The following SIK3 variants were observed in gnomAD, a reference collection of about 807,000 sequenced individuals.
The protein encoded by SIK3 is SIK family kinase 3, also known as serine/threonine-protein kinase SIK3.
In SIK3, 28 loss-of-function variants were observed where a neutral mutation model predicts 144.2. That is an observed-to-expected ratio of 0.19 (90% CI 0.14 to 0.27). The LOEUF (loss-of-function observed/expected upper bound fraction) is 0.27, where lower values mean the gene tolerates loss of function less well. SIK3 is among the 10% of genes least tolerant of loss of function. The pLI is 1.00. For synonymous variants in SIK3, 686 were observed against 676.3 expected (o/e 1.01, Z -0.22); for missense variants, 1,319 against 1,776.0 (o/e 0.74, Z 4.62).
chr11:117,073,910 T>C (rs1335429616), intron 1 of SIK3, among the ~76,000 whole-genome samples: 1 of 152,246 alleles, frequency 6.6e-6, no homozygotes, highest in African/African-American at 2.4e-5. Flanking sequence ...GTTCTTGTTT[T>C]ATGGTCTTGA....
chr11:116,915,584 C>T (rs187830550), intron 4 of SIK3, among the ~76,000 whole-genome samples: 56 of 151,330 alleles, frequency 3.7e-4, no homozygotes, highest in South Asian at 2.9e-3. Flanking sequence ...GATATAGATA[C>T]GGATATGTGT....
intron 1 of SIK3, among the ~76,000 whole-genome samples, chr11:116,968,045 G>A (rs1314101408): frequency 2.6e-5 from 4 of 152,152 alleles, no homozygotes; most frequent in African/African-American, 9.7e-5. Flanking sequence ...CATAATGAAT[G>A]TTTGCATTTC....
chr11:117,085,330 T>C (rs1456843369), intron 1 of SIK3, among the ~76,000 whole-genome samples: 2 of 152,162 alleles, frequency 1.3e-5, no homozygotes, highest in Non-Finnish European at 2.9e-5. Context: ...ACTACCGTGC[T>C]GCTCAGGCTG....
intron 4 of SIK3, among the ~76,000 whole-genome samples, chr11:116,906,175 A>G (rs1421438474): frequency 1.3e-5 from 2 of 152,332 alleles, no homozygotes; most frequent in Non-Finnish European, 2.9e-5. Context: ...GGCTGTGATC[A>G]GATGAGATAT....
intron 1 of SIK3, among the ~76,000 whole-genome samples, chr11:116,969,613 C>G (rs987007154): frequency 2.6e-5 from 4 of 151,784 alleles, no homozygotes; most frequent in African/African-American, 7.3e-5. Context: ...AAAAAAAATC[C>G]CTTCAATGAA....
Position 116,858,474 on chromosome 11 carries a change from C to T in SIK3, c.2991G>A (p.Gln997=), listed in dbSNP as rs1400124630. ...PPHYTTSALQ[Q]ALLSPTPPDY... ...CTGGCGGCGTGGGAGACAGCAGGGC[C>T]TGCTGTAGTGCCGACGTGGTATAGT... is the stretch of plus-strand genomic sequence containing the variant. The change falls in exon 21 of 25, where the codon CAG becomes CAA. Residue 997 remains glutamine, a synonymous_variant. Transcript: ENST00000445177. This position sits in a 1 kb window ranked among gnomAD's most constrained non-coding sequence, Gnocchi z 5.4. 4 of 1,606,066 alleles carry T rather than the reference C, an allele frequency of 2.5e-6. No homozygotes were observed. The highest frequency in any genetic ancestry group is 1.3e-5 in the African/African-American group (1 of 74,932).
chr11:117,006,567 G>T (rs1328010174), intron 1 of SIK3, among the ~76,000 whole-genome samples: 1 of 152,070 alleles, frequency 6.6e-6, no homozygotes, highest in Admixed American at 6.6e-5. Context: ...GGAGGCAGAG[G>T]CGGGAGGAAC....
intron 6 of SIK3, among the ~76,000 whole-genome samples, chr11:116,884,635 A>AT (rs373129636): frequency 6.6e-6 from 1 of 151,246 alleles, no homozygotes; most frequent in Admixed American, 6.6e-5. Flanking sequence ...ACATCTGGCT[A>AT]TTTTTTTTAT....
At chr11:117,060,413 A>G (rs945918284) in intron 1 of SIK3, among the ~76,000 whole-genome samples, 2 of 152,074 alleles carry the variant, frequency 1.3e-5, no homozygotes, top group Non-Finnish European at 2.9e-5. Flanking sequence ...CCTGGCCAAC[A>G]TGGTGAAACC....
chr11:117,012,851 T>TC (rs1332720924), intron 1 of SIK3, among the ~76,000 whole-genome samples: 2 of 139,406 alleles, frequency 1.4e-5, no homozygotes, highest in Non-Finnish European at 3.1e-5. Flanking sequence ...CATTACTGCT[T>TC]TTTTTTTTTT....
In SIK3 at chr11:117,098,365, A is replaced by C. The variant is rs1359988623; in HGVS notation, c.51T>G (p.Thr17=). Residue 17 remains threonine (T), a synonymous_variant, in exon 1 of 25, where the codon ACT becomes ACG. Transcript: ENST00000445177. The stretch of plus-strand genomic sequence containing the variant: ...GGCGGCCCGCGGGCCCGGCTCCCCC[A>C]GTCCCGGCCCCGGCAGCCCCGCCAG... ...SGAGGAAGAG[T]GGAGPAGRLL... is the part of the protein sequence containing the mutation. The C allele has an allele frequency of 1.4e-5, 16 of 1,160,586 alleles. No homozygotes were observed. The Admixed American group carries it at 6.7e-4, about 48-fold the overall frequency. 71.9% of individuals were successfully genotyped at this position (1,160,586 alleles called of 1,614,324 possible).
intron 1 of SIK3, among the ~76,000 whole-genome samples, chr11:116,969,275 G>A (rs965634909): frequency 9.3e-6 from 1 of 107,676 alleles, no homozygotes; most frequent in Non-Finnish European, 1.7e-5. Context: ...GGGAGACAGA[G>A]CAAGACTCCG....
chr11:116,885,646 T>C (rs1265729243), intron 6 of SIK3, among the ~76,000 whole-genome samples: 1 of 152,232 alleles, frequency 6.6e-6, no homozygotes, highest in African/African-American at 2.4e-5. Flanking sequence ...TACTCGTTTT[T>C]CAGTAAGTAA....
intron 4 of SIK3, among the ~76,000 whole-genome samples, chr11:116,923,371 G>A (rs568253429): frequency 6.6e-6 from 1 of 152,314 alleles, no homozygotes; most frequent in Admixed American, 6.5e-5. Context: ...TTGGCTTTTA[G>A]AATTAAAGTT....
At position 116,863,932 on chromosome 11, in the gene SIK3, G is replaced by C. The variant is rs146923417; in HGVS notation, c.1953-114C>G. The C allele has an allele frequency of 1.4e-4, 148 of 1,064,764 alleles. No individual in the cohort carries two copies. In the African/African-American group the frequency reaches 1.8e-3, roughly 13 times the overall value. The allele number at this position is 1,064,764 out of a possible 1,614,324, so 66.0% of individuals were successfully genotyped here. A position where few individuals can be genotyped will look rare whatever the true frequency, so the allele number is the denominator to read the frequency against. ...GACGGCTGGCTGCCCAGGTAGCCCT[G>C]CATATTATGCCACTTTCATGCCATT... On this transcript the variant is annotated intron_variant, in intron 15 of 24. Transcript: ENST00000445177.
chr11:116,992,544 T>C (rs557284599), intron 1 of SIK3, among the ~76,000 whole-genome samples: 14 of 152,180 alleles, frequency 9.2e-5, no homozygotes, highest in Non-Finnish European at 1.9e-4. Context: ...ACTGTTAGGA[T>C]GGACCATGCA....
intron 1 of SIK3, among the ~76,000 whole-genome samples, chr11:117,060,007 C>T (rs1158691759): frequency 6.6e-6 from 1 of 152,036 alleles, no homozygotes; most frequent in Non-Finnish European, 1.5e-5. Context: ...TGGTATTTAG[C>T]CAAATGAGCT....
At chr11:117,087,865 T>C (rs1014872582) in intron 1 of SIK3, among the ~76,000 whole-genome samples, 2 of 152,080 alleles carry the variant, frequency 1.3e-5, no homozygotes, top group African/African-American at 2.4e-5. Context: ...CACAGAAAAT[T>C]TGTAAAGTGA....
chr11:116,985,521 C>T (rs992742429), intron 1 of SIK3, among the ~76,000 whole-genome samples: 2 of 152,180 alleles, frequency 1.3e-5, no homozygotes, highest in Non-Finnish European at 2.9e-5. Flanking sequence ...CATCAAAATG[C>T]TAGTCAGTGT....
Sources: allele counts gnomAD v4.1 joint callset (sites outside exome capture counted in the v4.1 genomes callset), GRCh38; gene constraint gnomAD v4.1.1; non-coding constraint Gnocchi (gnomAD v3.1); transcripts MANE v1.5; gene names NCBI Gene and HGNC (gene_info 2026-07-23, HGNC 2026-07-21).